ABCF1: variants seen among roughly 807,000 people sequenced by gnomAD.
ABCF1 encodes ATP binding cassette subfamily F member 1.
ABCF1 carries 73 observed loss-of-function variants against 126.3 expected under a neutral mutation model. That is an observed-to-expected ratio of 0.58 (90% CI 0.48 to 0.70). The LOEUF (loss-of-function observed/expected upper bound fraction) is 0.70, where lower values mean the gene tolerates loss of function less well. Ranked by LOEUF, ABCF1 falls within the 30% of genes least tolerant of loss-of-function variation. ABCF1 has a pLI of 0.00. For missense variants in ABCF1, 786 were observed against 1,057.5 expected, an observed-to-expected ratio of 0.74 and a Z score of 3.56; for synonymous variants, 345 against 396.4, an observed-to-expected ratio of 0.87 and a Z score of 1.54.
intron 1 of ABCF1, among the ~76,000 whole-genome samples, chr6:30,576,348 C>T (rs1196356114): frequency 1.7e-5 from 2 of 121,052 alleles, no homozygotes; most frequent in African/African-American, 6.3e-5. Flanking sequence ...AGTACAATAG[C>T]GTGATCTCAG....
At chr6:30,589,001 C>T (rs948170862) in intron 20 of ABCF1, among the ~76,000 whole-genome samples, 14 of 152,028 alleles carry the variant, frequency 9.2e-5, no homozygotes, top group African/African-American at 2.7e-4. Flanking sequence ...ATTAGGGGAA[C>T]ATCCCTGTTC....
At position 30,577,426 on chromosome 6, in the gene ABCF1, G is replaced by A; in HGVS notation, c.91G>A (p.Gly31Arg). ...TSPSDKVVKK[G>R]KKDKKIKKTF... Reference sequence around the variant, plus strand: ...CTTTCTAGACAAAGTGGTGAAGAAAGGGAAGAAGGACAAGAAGATCAAAAA... The same window carrying A: ...CTTTCTAGACAAAGTGGTGAAGAAAAGGAAGAAGGACAAGAAGATCAAAAA... The change falls in exon 2 of 25, where the codon GGG becomes AGG. Residue 31 changes from glycine to arginine, a missense_variant. Coordinates refer to ENST00000326195, the MANE Select transcript of ABCF1 (RefSeq NM_001025091.2). 1 of 1,613,904 alleles carries A rather than the reference G, an allele frequency of 6.2e-7. No individual in the cohort carries two copies. The highest frequency in any genetic ancestry group is 8.5e-7 in the Non-Finnish European group (1 of 1,179,930).
rs745965987 is a variant in ABCF1, at chr6:30,590,631, A to C, written c.2468A>C (p.Asp823Ala). Residue 823 changes from aspartate to alanine, a missense_variant, in exon 25 of 25, where the codon GAC (aspartate) becomes GCC (alanine). Around this residue, in one of 4 missense-constraint regions of ABCF1, gnomAD observed 288 missense variants for 423.5 expected, o/e 0.68. Transcript: ENST00000326195. ...CAGAGTGTTAGCCAAATCGATGGTG[A>C]CTTTGAAGACTACAAGCGGGAGGTG... ...EEQSVSQIDG[D>A]FEDYKREVLE... 6.2e-7 allele frequency: 1 copy of C among 1,612,970 alleles called. No individual in the cohort carries two copies. The highest frequency in any genetic ancestry group is 8.5e-7 in the Non-Finnish European group (1 of 1,180,002).
intron 7 of ABCF1, 46 bp downstream of exon 7, chr6:30,580,051 A>G (rs1159919050): frequency 5.6e-6 from 9 of 1,594,852 alleles, no homozygotes; most frequent in Non-Finnish European, 6.9e-6. Flanking sequence ...CCAGGAATTA[A>G]AACATTTCAT....
At chr6:30,580,570 G>C in intron 8 of ABCF1, 51 bp downstream of exon 8, 1 of 1,113,130 alleles carries the variant, frequency 9.0e-7, no homozygotes, top group Non-Finnish European at 1.2e-6. Flanking sequence ...GGGCTTCCAG[G>C]GTCCTTATGG....
intron 4 of ABCF1, 45 bp downstream of exon 4, chr6:30,578,247 T>C (rs771337577): frequency 1.9e-6 from 3 of 1,613,636 alleles, no homozygotes; most frequent in Non-Finnish European, 2.5e-6. Flanking sequence ...CCATGAGTCA[T>C]GGAGAGTGAT....
intron 1 of ABCF1, among the ~76,000 whole-genome samples, chr6:30,577,205 T>C (rs3132609): frequency 0.64 from 97,353 of 152,104 alleles, 31,246 homozygotes; most frequent in South Asian, 0.79. Flanking sequence ...TGGTAGCTGT[T>C]TAGTAGATAC....
intron 8 of ABCF1, among the ~76,000 whole-genome samples, chr6:30,581,727 G>T (rs1048607448): frequency 2.0e-5 from 3 of 152,012 alleles, no homozygotes; most frequent in African/African-American, 7.2e-5. Flanking sequence ...TTCTTTGCAT[G>T]TTAACAAGGA....
At chr6:30,579,550 C>T (rs1014691818) in intron 6 of ABCF1, among the ~76,000 whole-genome samples, 22 of 151,646 alleles carry the variant, frequency 1.5e-4, no homozygotes, top group South Asian at 4.2e-4. Flanking sequence ...CTCCGCCTCC[C>T]GGGTTCAAGT....
At chr6:30,577,388 G>A (rs576422358) in intron 1 of ABCF1, 21 bp from the exon 2 acceptor site, 34 of 1,613,614 alleles carry the variant, frequency 2.1e-5, no homozygotes, top group Admixed American at 5.0e-5. Flanking sequence ...AAGCATTCAC[G>A]ATGTCCGCTT....
Position 30,590,131 on chromosome 6 carries a change from C to T in ABCF1, c.2234-18C>T. Reference sequence around the variant, plus strand: ...GTGAGGTGCTAGGTGTGACAGCCCTCCCCTTCCTTTGCTACAGGTGGTCAG... The same window carrying T: ...GTGAGGTGCTAGGTGTGACAGCCCTTCCCTTCCTTTGCTACAGGTGGTCAG... On this transcript the variant is annotated intron_variant, in intron 22 of 24. Coordinates refer to ENST00000326195, the MANE Select transcript of ABCF1 (RefSeq NM_001025091.2). 1.2e-6 allele frequency: 2 copies of T among 1,613,014 alleles called. No homozygotes were observed. The highest frequency in any genetic ancestry group is 1.7e-6 in the Non-Finnish European group (2 of 1,179,992).
Position 30,584,177 on chromosome 6 carries a change from C to A in ABCF1, c.1103-15C>A. On this transcript the variant is annotated splice_polypyrimidine_tract_variant and intron_variant, in intron 12 of 24. Transcript: ENST00000326195. The surrounding 1 kb of genome is among the most constrained non-coding windows in gnomAD (Gnocchi z 4.6). ...GCTCTTGAGGCTGCCTGACTGTTCT[C>A]CCTCTGCCTCCCAGAGGTGGTAGCA... The A allele has an allele frequency of 4.4e-6, 7 of 1,606,398 alleles. No individual in the cohort carries two copies. Among genetic ancestry groups the A allele is most frequent in the Non-Finnish European group, 5.9e-6 (7 of 1,176,740 alleles).
Position 30,586,000 on chromosome 6 carries a change from C to T in ABCF1, c.1713+9C>T, listed in dbSNP as rs1802099962. On this transcript the variant is annotated intron_variant, in intron 17 of 24. Coordinates refer to ENST00000326195, the MANE Select transcript of ABCF1 (RefSeq NM_001025091.2). ...AGTCCACCAAGCAGGCGGTGAGCACCTGAGGGACTTCTGGGCTGGGGGCCA... is the reference window on the plus strand; with the variant it reads ...AGTCCACCAAGCAGGCGGTGAGCACTTGAGGGACTTCTGGGCTGGGGGCCA... 6.2e-7 allele frequency: 1 copy of T among 1,605,118 alleles called. No homozygotes were observed. The highest frequency in any genetic ancestry group is 8.5e-7 in the Non-Finnish European group (1 of 1,175,268).
In ABCF1 at chr6:30,588,637, G is replaced by T. The variant is rs574624667; in HGVS notation, c.2032-1051G>T. 3.9e-5 allele frequency among the ~76,000 whole-genome samples: 6 copies of T among 152,140 alleles called. No homozygotes were observed. In the South Asian group the frequency reaches 1.2e-3, roughly 32 times the overall value. On this transcript the variant is annotated intron_variant, in intron 20 of 24. Transcript: ENST00000326195. The stretch of plus-strand genomic sequence containing the variant: ...GCCTCCCAGAGTGCTGGGATTACAG[G>T]TGTGAGCCACCACGCCCGGCAAACT...
In ABCF1 at chr6:30,578,085, A is replaced by G; in HGVS notation, c.226A>G (p.Lys76Glu). The part of the protein sequence containing the change: ...QQQQQQQQKK[K>E]RDTRKGRRKK... Reference sequence around the variant, plus strand: ...CTTTTGCTCTCAGCAGCAAAAAAAAAAGCGAGATACCCGAAAAGGCAGGCG... The same window carrying G: ...CTTTTGCTCTCAGCAGCAAAAAAAAGAGCGAGATACCCGAAAAGGCAGGCG... Residue 76 changes from lysine (K) to glutamate (E), a missense_variant, in exon 4 of 25, where the codon AAG (lysine) becomes GAG (glutamate). Around this residue, in one of 4 missense-constraint regions of ABCF1, gnomAD observed 322 missense variants for 322.9 expected, o/e 1.00. Coordinates refer to ENST00000326195, the MANE Select transcript of ABCF1 (RefSeq NM_001025091.2). 8 of 1,614,116 alleles carry G rather than the reference A, an allele frequency of 5.0e-6. No homozygotes were observed. The highest frequency in any genetic ancestry group is 6.8e-6 in the Non-Finnish European group (8 of 1,180,016).
At chr6:30,571,911 C>G (rs751549182) in intron 1 of ABCF1, among the ~76,000 whole-genome samples, 1 of 152,116 alleles carries the variant, frequency 6.6e-6, no homozygotes, top group Non-Finnish European at 1.5e-5. Flanking sequence ...AGCCCTGCCT[C>G]GACCTCCCCT....
At chr6:30,585,792 T>A (rs1802086993) in intron 16 of ABCF1, 87 bp from the exon 17 acceptor site, 1 of 1,563,874 alleles carries the variant, frequency 6.4e-7, no homozygotes, top group Admixed American at 1.8e-5. Context: ...CAGACAGTGA[T>A]GCCTACCCCA....
Position 30,572,471 on chromosome 6 carries a change from G to A in ABCF1, c.73+911G>A, listed in dbSNP as rs1290963293. The stretch of plus-strand genomic sequence containing the variant: ...GGAGCATCTACTCAGACAGGTAAGG[G>A]AGTGTCAGCAAAGCCTCCCAAGAAT... On this transcript the variant is annotated intron_variant, in intron 1 of 24. Coordinates refer to ENST00000326195, the MANE Select transcript of ABCF1 (RefSeq NM_001025091.2). Among the ~76,000 whole-genome samples the A allele has an allele frequency of 2.6e-5, 4 of 152,184 alleles. 1 individual carries two copies. Among genetic ancestry groups the A allele is most frequent in the East Asian group, 3.8e-4 (2 of 5,200 alleles).
rs763279732 is a variant in ABCF1, at chr6:30,584,611, C to G, written c.1391+45C>G. 2.7e-5 allele frequency: 41 copies of G among 1,538,730 alleles called. No homozygotes were observed. Among genetic ancestry groups the G allele is most frequent in the Non-Finnish European group, 3.5e-5 (40 of 1,147,948 alleles). ...GCCCTCCCTTCCAGCCTCAGACCAC[C>G]GGGGCCCTTTTCCTCTTTCCCTTCT... On this transcript the variant is annotated intron_variant, in intron 14 of 24. Coordinates refer to ENST00000326195, the MANE Select transcript of ABCF1 (RefSeq NM_001025091.2). This position sits in a 1 kb window ranked among gnomAD's most constrained non-coding sequence, Gnocchi z 4.6.
Sources: allele counts gnomAD v4.1 joint callset (sites outside exome capture counted in the v4.1 genomes callset), GRCh38; gene constraint gnomAD v4.1.1; regional missense constraint gnomAD v4.1.1; non-coding constraint Gnocchi (gnomAD v3.1); transcripts MANE v1.5; gene names NCBI Gene and HGNC (gene_info 2026-07-23, HGNC 2026-07-21).